The following TAF9B variants were observed in gnomAD, a reference collection of about 807,000 sequenced individuals.
The protein encoded by TAF9B is transcription initiation factor TFIID subunit 9B.
A neutral mutation model predicts 17.6 loss-of-function variants in TAF9B; 47 were observed. The ratio of observed to expected loss-of-function variants is 2.68; its 90% CI spans 2.12 to 3.41. The LOEUF is 3.41. Ranked by LOEUF, TAF9B falls within the 30% of genes most tolerant of loss-of-function variation. The probability of loss-of-function intolerance (pLI) is 0.00; values close to 1 mark genes in which losing one functional copy is unlikely to be tolerated. For synonymous variants in TAF9B, 84 were observed against 68.7 expected, an observed-to-expected ratio of 1.22 and a Z score of -1.10; for missense variants, 218 against 189.3, an observed-to-expected ratio of 1.15 and a Z score of -0.89.
In TAF9B at chrX:78,138,789, A is replaced by C. The variant is rs1197398408; in HGVS notation, c.133+54T>G. Reference sequence around the variant, plus strand: ...TAAAAGAAAATGTTCTTACAATAAAAATATCTTTTCAAGTTCACAAGTTAG... The same window carrying C: ...TAAAAGAAAATGTTCTTACAATAAACATATCTTTTCAAGTTCACAAGTTAG... On this transcript the variant is annotated intron_variant, in intron 2 of 6. Coordinates refer to ENST00000341864, the MANE Select transcript of TAF9B (RefSeq NM_015975.5). The C allele has an allele frequency of 6.6e-6, 6 of 910,102 alleles. No homozygotes were observed. In the African/African-American group the frequency reaches 1.2e-4, roughly 18 times the overall value. The allele number at this position is 910,102 out of a possible 1,213,427, so 75.0% of individuals were successfully genotyped here. A position where few individuals can be genotyped will look rare whatever the true frequency, so the allele number is the denominator to read the frequency against.
In TAF9B at chrX:78,139,607, T is replaced by TC. The variant is rs1557250546; in HGVS notation, c.4dup (p.Glu2GlyfsTer31). The stretch of plus-strand genomic sequence containing the variant: ...CTTGGGAGGCGCCATCTTGCCCGAC[T>TC]CCATGTTATCCAGCCACTCGTCATC... On this transcript the variant is annotated frameshift_variant, in exon 1 of 7. Coordinates refer to ENST00000341864, the MANE Select transcript of TAF9B (RefSeq NM_015975.5). LOFTEE classifies it high-confidence loss of function. 5.8e-6 allele frequency: 7 copies of TC among 1,211,294 alleles called. No individual in the cohort carries two copies. Among genetic ancestry groups the TC allele is most frequent in the Non-Finnish European group, 1.1e-6 (1 of 895,130 alleles).
intron 5 of TAF9B, among the ~76,000 whole-genome samples, chrX:78,136,564 T>C (rs1221658487): frequency 4.4e-5 from 5 of 112,452 alleles, no homozygotes; most frequent in Non-Finnish European, 7.5e-5. Flanking sequence ...TTTGGAAATT[T>C]AAATTTCTAA....
At position 78,129,761 on chromosome X, in the gene TAF9B, T is replaced by C. The variant is rs1433010266; in HGVS notation, c.*1849A>G. 1 of 112,370 alleles carries C rather than the reference T, an allele frequency of 8.9e-6. No homozygotes were observed. Among genetic ancestry groups the C allele is most frequent in the Non-Finnish European group, 1.9e-5 (1 of 53,303 alleles). The allele number at this position is 112,370 out of a possible 1,213,427, so 9.3% of individuals were successfully genotyped here. ...TGAAAACACTGATAAGCTCAAATTT[T>C]TATTAACCTTGGAACAAATGCAATA... On this transcript the variant is annotated 3_prime_UTR_variant, in exon 7 of 7. Transcript: ENST00000341864.
At chrX:78,134,438 TAAAAA>T (rs2078426590) in intron 5 of TAF9B, among the ~76,000 whole-genome samples, 1 of 111,896 alleles carries the variant, frequency 8.9e-6, no homozygotes, top group South Asian at 3.7e-4. Flanking sequence ...ATTGCTCTCT[TAAAAA>T]ATACATTTAT....
rs1339942360 is a variant in TAF9B at position 78,131,129 on chromosome X, TCTC to T, written c.*478_*480del. On this transcript the variant is annotated 3_prime_UTR_variant, in exon 7 of 7. Transcript: ENST00000341864. Reference sequence around the variant, plus strand: ...ATACATCCAAAATGGATTTAGAATCTCTCCTCTAAATCCATCCTTTCCAAAAAA... The same window carrying T: ...ATACATCCAAAATGGATTTAGAATCTCTCTAAATCCATCCTTTCCAAAAAA... The T allele has an allele frequency of 1.1e-4, 12 of 108,279 alleles. No homozygotes were observed. Among genetic ancestry groups the T allele is most frequent in the African/African-American group, 4.1e-4 (12 of 29,482 alleles). The allele number at this position is 108,279 out of a possible 1,213,427, so 8.9% of individuals were successfully genotyped here.
chrX:78,137,821 T>C lies in TAF9B; in HGVS notation c.333A>G (p.Ala111=), dbSNP rs1557250212. The change falls in exon 4 of 7, where the codon GCA becomes GCG. Residue 111 remains alanine (A), a synonymous_variant. Coordinates refer to ENST00000341864, the MANE Select transcript of TAF9B (RefSeq NM_015975.5). ...ATCTATCAGGTGGCAGTCTAGGTCC[T>C]GCATATGGCTTAATCAGTGGCAAAG... is the stretch of plus-strand genomic sequence containing the variant. ...QTPLPLIKPY[A]GPRLPPDRYC... is the part of the protein sequence containing the mutation. 1.7e-6 allele frequency: 2 copies of C among 1,210,349 alleles called. No homozygotes were observed. Among genetic ancestry groups the C allele is most frequent in the South Asian group, 1.8e-5 (1 of 56,715 alleles).
At position 78,130,181 on chromosome X, in the gene TAF9B, A is replaced by G; in HGVS notation, c.*1429T>C. On this transcript the variant is annotated 3_prime_UTR_variant, in exon 7 of 7. Coordinates refer to ENST00000341864, the MANE Select transcript of TAF9B (RefSeq NM_015975.5). ...TCTCTGTTACTGGACTTTCTTAGAT[A>G]TATCAAACACTATCCTAAGATGAAA... 1 of 112,515 alleles carries G rather than the reference A, an allele frequency of 8.9e-6. No homozygotes were observed. Among genetic ancestry groups the G allele is most frequent in the Non-Finnish European group, 1.9e-5 (1 of 53,315 alleles). The allele number at this position is 112,515 out of a possible 1,213,427, so 9.3% of individuals were successfully genotyped here. A position where few individuals can be genotyped will look rare whatever the true frequency, so the allele number is the denominator to read the frequency against.
chrX:78,134,961 T>C (rs1412800924), intron 5 of TAF9B, among the ~76,000 whole-genome samples: 2 of 106,482 alleles, frequency 1.9e-5, no homozygotes, highest in African/African-American at 6.9e-5. Context: ...TTTAATTTTT[T>C]TTTTTTTTTG....
In TAF9B at chrX:78,131,438, A is replaced by G. The variant is rs2078411666; in HGVS notation, c.*172T>C. ...AACTGTTTGTAATTGAAGCCTACTGAAAAACACATTTGTATGTTTACTAAA... is the reference window on the plus strand; with the variant it reads ...AACTGTTTGTAATTGAAGCCTACTGGAAAACACATTTGTATGTTTACTAAA... On this transcript the variant is annotated 3_prime_UTR_variant, in exon 7 of 7. Coordinates refer to ENST00000341864, the MANE Select transcript of TAF9B (RefSeq NM_015975.5). 5.3e-6 allele frequency: 2 copies of G among 376,775 alleles called. No individual in the cohort carries two copies. Among genetic ancestry groups the G allele is most frequent in the Non-Finnish European group, 9.0e-6 (2 of 222,343 alleles). 31.1% of individuals were successfully genotyped at this position (376,775 alleles called of 1,213,427 possible). A position where few individuals can be genotyped will look rare whatever the true frequency, so the allele number is the denominator to read the frequency against.
Position 78,137,989 on chromosome X carries a change from T to C in TAF9B, c.243A>G (p.Gln81=), listed in dbSNP as rs886447283. 3.3e-6 allele frequency: 4 copies of C among 1,208,438 alleles called. No individual in the cohort carries two copies. The highest frequency in any genetic ancestry group is 1.7e-5 in the African/African-American group (1 of 57,212). ...CTCTTGGGGGAGGAGAGGTAAAAGA[T>C]TGGTCAGCACGACACTGGATTGCCA... ...VRLAIQCRAD[Q]SFTSPPPRDF... is the part of the protein sequence containing the mutation. The change falls in exon 3 of 7, where the codon CAA becomes CAG. Residue 81 remains glutamine (Q), a synonymous_variant. Transcript: ENST00000341864.
chrX:78,137,395 A>G (rs1405471380), intron 4 of TAF9B, among the ~76,000 whole-genome samples: 1 of 111,619 alleles, frequency 9.0e-6, no homozygotes, highest in Non-Finnish European at 1.9e-5. Flanking sequence ...GCTTTATGTC[A>G]TATTTTAGAA....
Position 78,137,900 on chromosome X carries a change from T to A in TAF9B, c.271-17A>T. The A allele has an allele frequency of 8.4e-7, 1 of 1,196,062 alleles. No homozygotes were observed. On this transcript the variant is annotated splice_polypyrimidine_tract_variant and intron_variant, in intron 3 of 6. Transcript: ENST00000341864. ...CAGTAAAAACTTAAAAAAAAAATCC[T>A]TATTAGAACTACAGTTTTAAAAATT...
At position 78,131,197 on chromosome X, in the gene TAF9B, T is replaced by TAAAAAA. The variant is rs782507510; in HGVS notation, c.*412_*413insTTTTTT. ...AGAGATTTGGTAAAAAAAAAAAAAT[T>TAAAAAA]AGCTAGTGACAGTAAGTAACTATAT... On this transcript the variant is annotated 3_prime_UTR_variant, in exon 7 of 7. Transcript: ENST00000341864. 1 of 107,561 alleles carries TAAAAAA rather than the reference T, an allele frequency of 9.3e-6. No individual in the cohort carries two copies. The allele number at this position is 107,561 out of a possible 1,213,427, so 8.9% of individuals were successfully genotyped here.
rs2078438951 is a variant in TAF9B, at chrX:78,137,670, C to T, written c.405+79G>A. 3 of 951,077 alleles carry T rather than the reference C, an allele frequency of 3.2e-6. No homozygotes were observed. The highest frequency in any genetic ancestry group is 4.3e-6 in the Non-Finnish European group (3 of 697,261). The allele number at this position is 951,077 out of a possible 1,213,427, so 78.4% of individuals were successfully genotyped here. On this transcript the variant is annotated intron_variant, in intron 4 of 6. Coordinates refer to ENST00000341864, the MANE Select transcript of TAF9B (RefSeq NM_015975.5). ...CTTAACCTTTAATCTACTATACTAG[C>T]TACAGGAATTTGCTTTTCACAAAGT...
At chrX:78,137,130 C>G in intron 4 of TAF9B, 140 bp from the exon 5 acceptor site, 1 of 429,006 alleles carries the variant, frequency 2.3e-6, no homozygotes, top group Non-Finnish European at 4.1e-6. Flanking sequence ...TGTTCTAAAT[C>G]CAACATTTAA....
intron 5 of TAF9B, among the ~76,000 whole-genome samples, chrX:78,134,386 G>T (rs782753082): frequency 9.0e-6 from 1 of 111,533 alleles, no homozygotes; most frequent in Admixed American, 9.5e-5. Flanking sequence ...CTTAATAAAT[G>T]TATTTTGTAA....
At position 78,130,720 on chromosome X, in the gene TAF9B, G is replaced by T. The variant is rs2078406356; in HGVS notation, c.*890C>A. Reference sequence around the variant, plus strand: ...GCATCTCTGTTAAATTTAGAAATGTGAAACATGGAAGAGTTATCAACTTGG... The same window carrying T: ...GCATCTCTGTTAAATTTAGAAATGTTAAACATGGAAGAGTTATCAACTTGG... On this transcript the variant is annotated 3_prime_UTR_variant, in exon 7 of 7. Coordinates refer to ENST00000341864, the MANE Select transcript of TAF9B (RefSeq NM_015975.5). The T allele has an allele frequency of 8.9e-6, 1 of 112,378 alleles. No individual in the cohort carries two copies. The highest frequency in any genetic ancestry group is 3.2e-5 in the African/African-American group (1 of 30,820). The allele number at this position is 112,378 out of a possible 1,213,427, so 9.3% of individuals were successfully genotyped here. A position where few individuals can be genotyped will look rare whatever the true frequency, so the allele number is the denominator to read the frequency against.
chrX:78,135,242 C>T (rs183207636), intron 5 of TAF9B, among the ~76,000 whole-genome samples: 11 of 103,127 alleles, frequency 1.1e-4, no homozygotes, highest in East Asian at 3.2e-4. Context: ...TGTGAGCCAC[C>T]GCACCTGGCC....
intron 6 of TAF9B, among the ~76,000 whole-genome samples, chrX:78,132,014 A>G (rs1275038930): frequency 1.8e-5 from 2 of 111,886 alleles, no homozygotes; most frequent in Admixed American, 9.5e-5. Flanking sequence ...TTAAATTACT[A>G]TTTTTTTGAG....
Sources: gnomAD v4.1 joint callset for allele counts (sites outside exome capture counted in the v4.1 genomes callset) on GRCh38, gnomAD v4.1.1 for gene constraint, MANE v1.5 for transcripts, NCBI Gene and HGNC (gene_info 2026-07-23, HGNC 2026-07-21) for gene names.